The following FRMD4A variants were observed in gnomAD, a reference collection of about 807,000 sequenced individuals.
FRMD4A encodes FERM domain-containing protein 4A.
FRMD4A carries 29 observed loss-of-function variants against 129.1 expected under a neutral mutation model. That is an observed-to-expected ratio of 0.22 (90% confidence interval 0.17 to 0.31). The LOEUF (loss-of-function observed/expected upper bound fraction) is 0.31, where lower values mean the gene tolerates loss of function less well. Ranked by LOEUF, FRMD4A falls within the 10% of genes least tolerant of loss-of-function variation. FRMD4A has a pLI of 1.00. For synonymous variants in FRMD4A, 634 were observed against 571.6 expected (o/e 1.11, Z -1.56); for missense variants, 1,272 against 1,375.8 (o/e 0.92, Z 1.19).
At chr10:14,031,535 T>A (rs913273105) in intron 2 of FRMD4A, among the ~76,000 whole-genome samples, 3 of 152,202 alleles carry the variant, frequency 2.0e-5, no homozygotes, top group Non-Finnish European at 4.4e-5. Flanking sequence ...CCCGAAGTGC[T>A]GGGATTTTAG....
intron 2 of FRMD4A, among the ~76,000 whole-genome samples, chr10:14,308,458 T>G (rs1266345147): frequency 6.6e-6 from 1 of 152,206 alleles, no homozygotes; most frequent in Non-Finnish European, 1.5e-5. Context: ...ATTTTTCTTG[T>G]TCTGTTTCCA....
In FRMD4A at chr10:14,226,204, T is replaced by C. The variant is rs548438428; in HGVS notation, c.45+103854A>G. Among the ~76,000 whole-genome samples the C allele has an allele frequency of 3.3e-5, 5 of 152,318 alleles. No homozygotes were observed. The South Asian group carries it at 1.0e-3, about 32-fold the overall frequency. On this transcript the variant is annotated intron_variant, in intron 2 of 24. Coordinates refer to ENST00000357447, the MANE Select transcript of FRMD4A (RefSeq NM_018027.5). Reference sequence around the variant, plus strand: ...ATGTGCCATGGTGGTTTGCTGCACCTGTCAACTCATCATCTAGGTTTTAAG... The same window carrying C: ...ATGTGCCATGGTGGTTTGCTGCACCCGTCAACTCATCATCTAGGTTTTAAG...
intron 13 of FRMD4A, among the ~76,000 whole-genome samples, chr10:13,705,257 G>A (rs1195873305): frequency 2.0e-5 from 3 of 152,282 alleles, no homozygotes; most frequent in East Asian, 1.9e-4. Flanking sequence ...GAATAGTCAC[G>A]TGTGAGATCT....
At chr10:14,202,601 A>T (rs1842671786) in intron 2 of FRMD4A, among the ~76,000 whole-genome samples, 2 of 151,916 alleles carry the variant, frequency 1.3e-5, no homozygotes, top group African/African-American at 4.8e-5. Context: ...GGGTTTCACC[A>T]TATTGGCCAG....
At chr10:13,989,270 A>T (rs150556307) in intron 2 of FRMD4A, among the ~76,000 whole-genome samples, 2 of 152,322 alleles carry the variant, frequency 1.3e-5, no homozygotes, top group Non-Finnish European at 2.9e-5. Flanking sequence ...CTACCAGCCC[A>T]GAGGCTACCA....
chr10:13,685,521 C>T, intron 15 of FRMD4A: 2 of 985,336 alleles, frequency 2.0e-6, no homozygotes, highest in Non-Finnish European at 2.4e-6. Flanking sequence ...GCTTGTTAGG[C>T]TATTGCAATA....
intron 2 of FRMD4A, among the ~76,000 whole-genome samples, chr10:13,925,279 C>T (rs2095118500): frequency 6.6e-6 from 1 of 151,916 alleles, no homozygotes; most frequent in South Asian, 2.1e-4. Context: ...GACCACTGGG[C>T]CAAAACAGAT....
chr10:13,814,638 A>G (rs2093509551), intron 3 of FRMD4A, among the ~76,000 whole-genome samples: 1 of 150,896 alleles, frequency 6.6e-6, no homozygotes, highest in Non-Finnish European at 1.5e-5. Context: ...GAGAAAAAAA[A>G]GAAAGAAAGA....
chr10:13,961,560 T>C (rs954758915), intron 2 of FRMD4A, among the ~76,000 whole-genome samples: 2 of 152,186 alleles, frequency 1.3e-5, no homozygotes, highest in Non-Finnish European at 2.9e-5. Context: ...CAACTTTGGT[T>C]TGATACCAAA....
chr10:13,751,734 G>T (rs1379618277), intron 8 of FRMD4A, among the ~76,000 whole-genome samples: 1 of 152,222 alleles, frequency 6.6e-6, no homozygotes, highest in Non-Finnish European at 1.5e-5. Context: ...AAAAGAGCTG[G>T]ATGTGGTGGC....
Position 13,658,826 on chromosome 10 carries a change from G to A in FRMD4A, c.2066+497C>T, listed in dbSNP as rs1044440950. On this transcript the variant is annotated intron_variant, in intron 21 of 24. Transcript: ENST00000357447. ...GAACACGGGAGGCAGAGGTTGCAGC[G>A]AGCCAAGATCGCGCCACTGTACTCC... is the stretch of plus-strand genomic sequence containing the variant. Among the ~76,000 whole-genome samples the A allele has an allele frequency of 1.2e-3, 171 of 147,918 alleles. 1 individual carries two copies. Among genetic ancestry groups the A allele is most frequent in the African/African-American group, 4.2e-3 (167 of 39,840 alleles).
intron 13 of FRMD4A, among the ~76,000 whole-genome samples, chr10:13,704,687 T>C (rs1302685632): frequency 1.3e-5 from 2 of 152,128 alleles, no homozygotes; most frequent in Non-Finnish European, 2.9e-5. Context: ...GAGCCAGACC[T>C]CCTAGGTTCA....
intron 3 of FRMD4A, among the ~76,000 whole-genome samples, chr10:13,844,835 C>T (rs1038361087): frequency 3.9e-5 from 6 of 152,146 alleles, no homozygotes; most frequent in Admixed American, 2.6e-4. Context: ...TGTGTCCCAC[C>T]GTGCGCTACA....
chr10:14,244,030 T>C (rs911412350), intron 2 of FRMD4A, among the ~76,000 whole-genome samples: 10 of 152,148 alleles, frequency 6.6e-5, no homozygotes, highest in Non-Finnish European at 1.3e-4. Context: ...AGAATAACAA[T>C]TGACTTTGGG....
chr10:13,899,067 A>G (rs999060666), intron 2 of FRMD4A, among the ~76,000 whole-genome samples: 2 of 152,074 alleles, frequency 1.3e-5, no homozygotes, highest in African/African-American at 4.8e-5. Context: ...AGTCTCAGCT[A>G]CTTGGGAGGA....
At chr10:13,891,558 C>A in intron 2 of FRMD4A, 1 of 973,836 alleles carries the variant, frequency 1.0e-6, no homozygotes, top group Non-Finnish European at 1.2e-6. Context: ...CGTGAAAACA[C>A]GGAAGGCGAA....
chr10:13,654,664 C>T, intron 22 of FRMD4A, 152 bp from the exon 23 acceptor site: 1 of 610,104 alleles, frequency 1.6e-6, no homozygotes, highest in East Asian at 2.7e-5. Flanking sequence ...GTCTCAGCAT[C>T]CCTATGGCAT....
intron 2 of FRMD4A, among the ~76,000 whole-genome samples, chr10:14,034,442 T>TGGCTGTGGAACAGCC (rs1440381376): frequency 1.4e-4 from 21 of 152,206 alleles, no homozygotes; most frequent in South Asian, 4.1e-4. Flanking sequence ...CAAGAACAGC[T>TGGCTGTGGAACAGCC]GGCTGTGGAA....
intron 2 of FRMD4A, among the ~76,000 whole-genome samples, chr10:14,179,301 G>C (rs911980653): frequency 2.6e-5 from 4 of 152,158 alleles, no homozygotes; most frequent in African/African-American, 9.7e-5. Context: ...TGTGACCTAA[G>C]CACCGTGAAG....
Sources: allele counts gnomAD v4.1 joint callset (sites outside exome capture counted in the v4.1 genomes callset), GRCh38; gene constraint gnomAD v4.1.1; transcripts MANE v1.5; gene names NCBI Gene and HGNC (gene_info 2026-07-23, HGNC 2026-07-21).